The following PDZD2 variants were observed in gnomAD, a reference collection of about 807,000 sequenced individuals.
The protein encoded by PDZD2 is PDZ domain-containing protein 2.
Under a neutral mutation model 220.7 loss-of-function variants are expected in PDZD2, and 90 were observed. The ratio of observed to expected loss-of-function variants is 0.41; its 90% confidence interval spans 0.34 to 0.49. The LOEUF (loss-of-function observed/expected upper bound fraction) is 0.49. PDZD2 is among the 20% of genes least tolerant of loss of function. The probability of loss-of-function intolerance (pLI) is 0.28; values close to 1 mark genes in which losing one functional copy is unlikely to be tolerated. For missense variants in PDZD2, 3,174 were observed against 3,608.5 expected (o/e 0.88, Z 3.08); for synonymous variants, 1,375 against 1,450.5 (o/e 0.95, Z 1.18).
Position 32,097,290 on chromosome 5 carries a change from T to TAAA in PDZD2, c.7857_7858insAAA (p.Asp2619_Val2620insLys). 1 of 1,606,714 alleles carries TAAA rather than the reference T, an allele frequency of 6.2e-7. No homozygotes were observed. The highest frequency in any genetic ancestry group is 8.5e-7 in the Non-Finnish European group (1 of 1,173,200). ...TTTGTTTTCACTAGAATGAAGAAGA[T>TAAA]GTTTGCTTCATAGTCTTGAATAGAA... On this transcript the variant is annotated inframe_insertion, in exon 22 of 25. Transcript: ENST00000438447.
In PDZD2 at chr5:32,037,169, G is replaced by A. The variant is rs1327873667; in HGVS notation, c.1408-62G>A. 5 of 1,007,692 alleles carry A rather than the reference G, an allele frequency of 5.0e-6. No homozygotes were observed. In the East Asian group the frequency reaches 7.1e-5, roughly 14 times the overall value. 62.4% of individuals were successfully genotyped at this position (1,007,692 alleles called of 1,614,324 possible). On this transcript the variant is annotated intron_variant, in intron 6 of 24. Coordinates refer to ENST00000438447, the MANE Select transcript of PDZD2 (RefSeq NM_178140.4). ...AGCCTTGAGATAACATTGTGGAGGGGGACAGCATAAGTCATCGCAGGGCTG... is the reference window on the plus strand; with the variant it reads ...AGCCTTGAGATAACATTGTGGAGGGAGACAGCATAAGTCATCGCAGGGCTG...
chr5:31,904,033 CTT>C (rs1289381668), intron 2 of PDZD2, among the ~76,000 whole-genome samples: 9 of 135,994 alleles, frequency 6.6e-5, no homozygotes, highest in South Asian at 2.4e-4. Flanking sequence ...CACCCAGCCA[CTT>C]TTTTTTTTTT....
At chr5:32,101,018 C>T (rs758214589) in intron 23 of PDZD2, 87 bp from the exon 24 acceptor site, 24 of 1,592,636 alleles carry the variant, frequency 1.5e-5, no homozygotes, top group Non-Finnish European at 2.0e-5. Flanking sequence ...GTACATGGGG[C>T]TGGAGGCGAT....
chr5:32,023,792 C>G (rs1754408852), intron 6 of PDZD2, among the ~76,000 whole-genome samples: 1 of 152,232 alleles, frequency 6.6e-6, no homozygotes, highest in African/African-American at 2.4e-5. Context: ...CGTAGCCCCC[C>G]TTATCCAGAG....
chr5:31,989,416 C>CTTTTTTTTTTTTTTTTTTTTTTTTTT (rs1385913596), intron 3 of PDZD2, among the ~76,000 whole-genome samples: 13 of 120,640 alleles, frequency 1.1e-4, no homozygotes, highest in East Asian at 5.9e-4. Flanking sequence ...ACCACATTTT[C>CTTTTTTTTTTTTTTTTTTTTTTTTTT]TTTTCTTTTT....
intron 1 of PDZD2, among the ~76,000 whole-genome samples, chr5:31,654,531 T>C (rs1192767311): frequency 6.6e-6 from 1 of 152,160 alleles, no homozygotes; most frequent in African/African-American, 2.4e-5. Flanking sequence ...CATCCTGTAC[T>C]CCTTGCATGT....
chr5:32,054,291 G>A (rs542907512), intron 10 of PDZD2, among the ~76,000 whole-genome samples: 9 of 133,314 alleles, frequency 6.8e-5, no homozygotes, highest in South Asian at 2.7e-4. Flanking sequence ...CCACCACATA[G>A]TCTGGTTCCT....
intron 13 of PDZD2, among the ~76,000 whole-genome samples, chr5:32,060,509 G>C (rs1739566321): frequency 2.6e-5 from 4 of 152,192 alleles, no homozygotes; most frequent in Non-Finnish European, 1.5e-5. Context: ...ATCATTTCAA[G>C]ATGGTAGGAA....
chr5:31,834,168 A>G (rs547957910), intron 2 of PDZD2, among the ~76,000 whole-genome samples: 5 of 152,300 alleles, frequency 3.3e-5, no homozygotes, highest in African/African-American at 9.6e-5. Flanking sequence ...GAAACAACCA[A>G]AAAGGGTTCC....
At chr5:31,791,007 A>C (rs1031102438) in intron 1 of PDZD2, among the ~76,000 whole-genome samples, 10 of 151,984 alleles carry the variant, frequency 6.6e-5, no homozygotes, top group African/African-American at 2.4e-4. Flanking sequence ...CTGAATTTTA[A>C]CTTAATGTAT....
intron 1 of PDZD2, among the ~76,000 whole-genome samples, chr5:31,645,807 C>T (rs1163693072): frequency 6.6e-6 from 1 of 152,070 alleles, no homozygotes; most frequent in East Asian, 1.9e-4. Context: ...GTATTCCTAC[C>T]GTGAGCAGGG....
At chr5:31,874,875 AAAC>A (rs896387813) in intron 2 of PDZD2, among the ~76,000 whole-genome samples, 12 of 152,234 alleles carry the variant, frequency 7.9e-5, no homozygotes, top group Middle Eastern at 3.4e-3. Flanking sequence ...GTCTTTGTTT[AAAC>A]AACAACAACA....
At chr5:31,957,505 T>C (rs1170970146) in intron 2 of PDZD2, among the ~76,000 whole-genome samples, 4 of 152,076 alleles carry the variant, frequency 2.6e-5, no homozygotes, top group African/African-American at 9.7e-5. Context: ...CCCTCTGAAA[T>C]AGAAAGGTTT....
chr5:32,021,189 A>G (rs938877860), intron 6 of PDZD2, among the ~76,000 whole-genome samples: 29 of 151,944 alleles, frequency 1.9e-4, no homozygotes, highest in African/African-American at 7.0e-4. Flanking sequence ...CAGAAATTTC[A>G]CAAAGAAATG....
chr5:31,874,754 C>G lies in PDZD2; in HGVS notation c.476+75030C>G, dbSNP rs75950406. On this transcript the variant is annotated intron_variant, in intron 2 of 24. Coordinates refer to ENST00000438447, the MANE Select transcript of PDZD2 (RefSeq NM_178140.4). ...CCAGTCTGGGCAGCAGAACACGACT[C>G]TATCTTAAAAAAAAAAAAAAAAGAT... Among the ~76,000 whole-genome samples the G allele has an allele frequency of 3.4e-3, 416 of 122,050 alleles. 9 individuals carry two copies. The highest frequency in any genetic ancestry group is 0.025 in the Admixed American group (301 of 11,988). 80.1% of individuals were successfully genotyped at this position (122,050 alleles called of 152,430 possible).
intron 2 of PDZD2, among the ~76,000 whole-genome samples, chr5:31,873,077 C>T (rs1023357693): frequency 6.6e-6 from 1 of 152,030 alleles, no homozygotes; most frequent in African/African-American, 2.4e-5. Context: ...ATATCCCTAT[C>T]ATTAAGCAAA....
At chr5:31,798,610 G>A (rs891491995) in intron 1 of PDZD2, among the ~76,000 whole-genome samples, 1 of 152,132 alleles carries the variant, frequency 6.6e-6, no homozygotes, top group African/African-American at 2.4e-5. Context: ...ATAGTATGTT[G>A]GTGAGGGTTG....
At chr5:31,766,889 A>G (rs1012764374) in intron 1 of PDZD2, among the ~76,000 whole-genome samples, 5 of 151,122 alleles carry the variant, frequency 3.3e-5, no homozygotes, top group Admixed American at 1.3e-4. Context: ...CCACACACCC[A>G]GCTAATTTTT....
intron 1 of PDZD2, among the ~76,000 whole-genome samples, chr5:31,739,997 A>T (rs552514593): frequency 6.6e-6 from 1 of 152,242 alleles, no homozygotes; most frequent in East Asian, 1.9e-4. Flanking sequence ...TTGGCCTTTC[A>T]GAAAGTTAAC....
Sources: gnomAD v4.1 joint callset for allele counts (sites outside exome capture counted in the v4.1 genomes callset) on GRCh38, gnomAD v4.1.1 for gene constraint, MANE v1.5 for transcripts, NCBI Gene and HGNC (gene_info 2026-07-23, HGNC 2026-07-21) for gene names.